The following ZC3H12B variants were observed in gnomAD, a reference collection of about 807,000 sequenced individuals.
ZC3H12B encodes probable ribonuclease ZC3H12B.
A neutral mutation model predicts 43.9 loss-of-function variants in ZC3H12B; 7 were observed. The observed-to-expected ratio is 0.16, with a 90% CI of 0.09 to 0.30. The LOEUF (loss-of-function observed/expected upper bound fraction) is 0.30, where lower values mean the gene tolerates loss of function less well. ZC3H12B is among the 10% of genes least tolerant of loss of function. The pLI is 1.00. For synonymous variants in ZC3H12B, 222 were observed against 241.7 expected (o/e 0.92, Z 0.76); for missense variants, 475 against 670.2 (o/e 0.71, Z 3.22).
intron 3 of ZC3H12B, among the ~76,000 whole-genome samples, chrX:65,435,233 T>C (rs1483100741): frequency 8.9e-6 from 1 of 112,154 alleles, no homozygotes; most frequent in Non-Finnish European, 1.9e-5. Context: ...ATTTATACAG[T>C]GCTTGAGCTA....
the ZC3H12B span, among the ~76,000 whole-genome samples, chrX:65,066,585 T>A: frequency 8.9e-6 from 1 of 111,922 alleles, no homozygotes; most frequent in East Asian, 2.8e-4. Flanking sequence ...CGACCCCTGC[T>A]GGGAGGTATC....
chrX:65,248,050 A>T, the ZC3H12B span, among the ~76,000 whole-genome samples: 324 of 104,366 alleles, frequency 3.1e-3, 1 homozygote, highest in African/African-American at 8.7e-3. Flanking sequence ...CACGAAAAAA[A>T]TTTTTTTTTT....
At chrX:65,149,603 A>G in the ZC3H12B span, among the ~76,000 whole-genome samples, 1 of 108,446 alleles carries the variant, frequency 9.2e-6, no homozygotes, top group Non-Finnish European at 1.9e-5. Context: ...TCTACTAAAA[A>G]TACAAAAAAA....
chrX:65,132,917 G>A, the ZC3H12B span, among the ~76,000 whole-genome samples: 3 of 111,770 alleles, frequency 2.7e-5, no homozygotes, highest in Non-Finnish European at 3.8e-5. Flanking sequence ...GTTAAGCTGA[G>A]AAGATCTGGG....
the ZC3H12B span, among the ~76,000 whole-genome samples, chrX:65,121,140 G>C: frequency 9.0e-6 from 1 of 111,082 alleles, no homozygotes; most frequent in Non-Finnish European, 1.9e-5. Context: ...GCCCGGCTTT[G>C]GTATCAGGAT....
At chrX:65,308,096 G>C in the ZC3H12B span, among the ~76,000 whole-genome samples, 1 of 111,145 alleles carries the variant, frequency 9.0e-6, no homozygotes, top group Non-Finnish European at 1.9e-5. Flanking sequence ...TTTTACATCA[G>C]TACATGGAAC....
At chrX:65,428,932 C>A (rs2067116501) in intron 3 of ZC3H12B, among the ~76,000 whole-genome samples, 1 of 112,216 alleles carries the variant, frequency 8.9e-6, no homozygotes, top group South Asian at 3.7e-4. Context: ...GGGTTTTGGG[C>A]AGTCTTTTTG....
chrX:65,156,366 A>G, the ZC3H12B span, among the ~76,000 whole-genome samples: 1 of 110,827 alleles, frequency 9.0e-6, no homozygotes, highest in South Asian at 3.8e-4. Context: ...ACAACCTGCT[A>G]AATTTTTTAA....
intron 3 of ZC3H12B, among the ~76,000 whole-genome samples, chrX:65,424,945 T>G (rs192943723): frequency 0.011 from 1,271 of 111,792 alleles, 7 homozygotes; most frequent in South Asian, 0.032. Flanking sequence ...CTTGTTTTTT[T>G]GGGCTCTATT....
At chrX:65,416,324 G>A (rs1163956219) in intron 3 of ZC3H12B, among the ~76,000 whole-genome samples, 2 of 111,321 alleles carry the variant, frequency 1.8e-5, no homozygotes, top group South Asian at 7.6e-4. Context: ...GCTTCTTGCT[G>A]TTACTGGTAT....
At chrX:65,246,260 A>C in the ZC3H12B span, among the ~76,000 whole-genome samples, 1 of 111,972 alleles carries the variant, frequency 8.9e-6, no homozygotes, top group Admixed American at 9.5e-5. Flanking sequence ...GAAATCATAC[A>C]TGGCACAAAA....
chrX:65,233,591 G>A, the ZC3H12B span, among the ~76,000 whole-genome samples: 3 of 108,971 alleles, frequency 2.8e-5, no homozygotes, highest in African/African-American at 1.0e-4. Context: ...TATGGGATAT[G>A]GAAAAAGCAG....
chrX:65,436,088 G>T (rs1432982016), intron 3 of ZC3H12B, among the ~76,000 whole-genome samples: 1 of 112,425 alleles, frequency 8.9e-6, no homozygotes, highest in Non-Finnish European at 1.9e-5. Flanking sequence ...AATCATGCCA[G>T]AAGCCAGAAG....
the ZC3H12B span, among the ~76,000 whole-genome samples, chrX:65,222,036 T>G: frequency 9.0e-6 from 1 of 110,669 alleles, no homozygotes; most frequent in African/African-American, 3.3e-5. Flanking sequence ...GACACAGGAG[T>G]AGTTTAATAT....
the ZC3H12B span, among the ~76,000 whole-genome samples, chrX:65,242,514 T>C: frequency 8.9e-6 from 1 of 112,395 alleles, no homozygotes; most frequent in Non-Finnish European, 1.9e-5. Context: ...ATATTCTGTG[T>C]TAACAGATTG....
chrX:65,464,527 A>G lies in ZC3H12B; in HGVS notation n.408-24119A>G, dbSNP rs559184891. ...GTCTCCTTTTTTTTAATCTCTGTCAATCTAGCCAAGGTTTGTCAATTTTAT... is the reference window on the plus strand; with the variant it reads ...GTCTCCTTTTTTTTAATCTCTGTCAGTCTAGCCAAGGTTTGTCAATTTTAT... On this transcript the variant is annotated intron_variant and non_coding_transcript_variant, in intron 3 of 5. Coordinates refer to the ZC3H12B transcript ENST00000617377. Among the ~76,000 whole-genome samples, 54 of 110,483 alleles carry G rather than the reference A, an allele frequency of 4.9e-4. No homozygotes were observed. In the South Asian group the frequency reaches 0.012, roughly 25 times the overall value.
At chrX:65,138,676 G>C in the ZC3H12B span, among the ~76,000 whole-genome samples, 2 of 111,572 alleles carry the variant, frequency 1.8e-5, no homozygotes, top group African/African-American at 6.5e-5. Flanking sequence ...AGTTTTTCAT[G>C]ATGGCTGCAT....
chrX:65,387,322 G>A (rs1460140642), intron 2 of ZC3H12B, among the ~76,000 whole-genome samples: 2 of 111,790 alleles, frequency 1.8e-5, no homozygotes, highest in Admixed American at 9.5e-5. Context: ...GAATCTGGGT[G>A]CTCCTGTGTT....
At chrX:65,189,998 T>A in the ZC3H12B span, among the ~76,000 whole-genome samples, 3 of 110,930 alleles carry the variant, frequency 2.7e-5, no homozygotes, top group Non-Finnish European at 5.7e-5. Context: ...AGGGATCCAG[T>A]TTCAGCTTCC....
Sources: gnomAD v4.1 joint callset for allele counts (sites outside exome capture counted in the v4.1 genomes callset) on GRCh38, gnomAD v4.1.1 for gene constraint, MANE v1.5 for transcripts, NCBI Gene and HGNC (gene_info 2026-07-23, HGNC 2026-07-21) for gene names.